CTNNA2: variants seen among roughly 807,000 people sequenced by gnomAD.
The protein encoded by CTNNA2 is catenin alpha 2.
A neutral mutation model predicts 101.0 loss-of-function variants in CTNNA2; 42 were observed. The observed-to-expected ratio is 0.42, with a 90% CI of 0.32 to 0.54. CTNNA2 has a LOEUF of 0.54. Ranked by LOEUF, CTNNA2 falls within the 20% of genes least tolerant of loss-of-function variation. CTNNA2 has a pLI of 0.14. For missense variants in CTNNA2, 871 were observed against 1,223.1 expected (o/e 0.71, Z 4.29); for synonymous variants, 450 against 456.4 (o/e 0.99, Z 0.18).
chr2:79,849,810 T>C (rs1574126163), intron 3 of CTNNA2, among the ~76,000 whole-genome samples: 1 of 152,092 alleles, frequency 6.6e-6, no homozygotes, highest in East Asian at 1.9e-4. Context: ...TATTGTAGAG[T>C]GTATAGCATC....
chr2:80,643,437 C>T (rs1256909955), intron 18 of CTNNA2, among the ~76,000 whole-genome samples: 1 of 152,126 alleles, frequency 6.6e-6, no homozygotes, highest in Non-Finnish European at 1.5e-5. Context: ...CAGAAAACAG[C>T]ACATGGTCTA....
At chr2:79,523,527 G>C (rs1672234373) in intron 1 of CTNNA2, among the ~76,000 whole-genome samples, 1 of 151,780 alleles carries the variant, frequency 6.6e-6, no homozygotes, top group Non-Finnish European at 1.5e-5. Context: ...GTTTGTTTGT[G>C]CTATTATGCT....
Position 79,647,766 on chromosome 2 carries a change from A to G in CTNNA2, c.-5-3786A>G, listed in dbSNP as rs73938755. ...TGGCAAAATCTCAGTGGCATGCAACATACAACAGCAGGCATTTACTTCTTG... is the reference window on the plus strand; with the variant it reads ...TGGCAAAATCTCAGTGGCATGCAACGTACAACAGCAGGCATTTACTTCTTG... On this transcript the variant is annotated intron_variant, in intron 1 of 18. Coordinates refer to ENST00000402739, the MANE Select transcript of CTNNA2 (RefSeq NM_001282597.3). Among the ~76,000 whole-genome samples the G allele has an allele frequency of 8.5e-3, 1,289 of 152,322 alleles. 25 individuals carry two copies. Among genetic ancestry groups the G allele is most frequent in the African/African-American group, 0.028 (1,171 of 41,552 alleles).
At chr2:80,464,227 C>A (rs972017927) in intron 9 of CTNNA2, among the ~76,000 whole-genome samples, 2 of 152,162 alleles carry the variant, frequency 1.3e-5, no homozygotes, top group Non-Finnish European at 2.9e-5. Context: ...GAAGAAAGAA[C>A]TGTCTTCAAT....
chr2:79,705,327 A>C (rs1337734556), intron 2 of CTNNA2, among the ~76,000 whole-genome samples: 1 of 152,220 alleles, frequency 6.6e-6, no homozygotes, highest in Non-Finnish European at 1.5e-5. Context: ...AAAGAGAGAC[A>C]CCACATTTAC....
At chr2:79,928,310 T>C (rs1393028937) in intron 7 of CTNNA2, among the ~76,000 whole-genome samples, 3 of 152,196 alleles carry the variant, frequency 2.0e-5, no homozygotes, top group Non-Finnish European at 4.4e-5. Context: ...ATTTCTATTA[T>C]TCAACTGTGT....
intron 7 of CTNNA2, among the ~76,000 whole-genome samples, chr2:80,218,632 G>C (rs1012910338): frequency 1.5e-4 from 23 of 152,168 alleles, no homozygotes; most frequent in African/African-American, 5.3e-4. Flanking sequence ...ACTGTAAAAT[G>C]AGAGTAGTCA....
At chr2:80,438,768 C>T (rs1398401487) in intron 9 of CTNNA2, among the ~76,000 whole-genome samples, 1 of 152,154 alleles carries the variant, frequency 6.6e-6, no homozygotes, top group Admixed American at 6.5e-5. Flanking sequence ...GTAGTGGATG[C>T]AGAGTTGTGC....
At chr2:79,682,328 G>A (rs975916373) in intron 2 of CTNNA2, among the ~76,000 whole-genome samples, 23 of 150,036 alleles carry the variant, frequency 1.5e-4, no homozygotes, top group Non-Finnish European at 2.7e-4. Flanking sequence ...GGAGAATGGC[G>A]GGAACCAGGG....
chr2:80,319,001 C>T (rs1678411915), intron 7 of CTNNA2, among the ~76,000 whole-genome samples: 3 of 152,094 alleles, frequency 2.0e-5, no homozygotes, highest in South Asian at 2.1e-4. Context: ...ATGCTAGTGG[C>T]TTATCTCTGT....
At chr2:80,469,082 G>T (rs1368577060) in intron 9 of CTNNA2, among the ~76,000 whole-genome samples, 1 of 152,022 alleles carries the variant, frequency 6.6e-6, no homozygotes, top group East Asian at 1.9e-4. Flanking sequence ...GTGTGGTGGT[G>T]GTGTGACGGC....
At chr2:79,226,028 T>C (rs954073207) in intron 2 of CTNNA2, among the ~76,000 whole-genome samples, 6 of 152,160 alleles carry the variant, frequency 3.9e-5, no homozygotes, top group African/African-American at 1.2e-4. Flanking sequence ...ATGTGAGAAA[T>C]CAACTGAGTG....
At chr2:79,409,539 C>T (rs1054300117) in intron 4 of CTNNA2, among the ~76,000 whole-genome samples, 2 of 151,310 alleles carry the variant, frequency 1.3e-5, no homozygotes, top group Non-Finnish European at 3.0e-5. Context: ...TTTCCCAGCA[C>T]CATTTATTAA....
intron 4 of CTNNA2, among the ~76,000 whole-genome samples, chr2:79,385,127 T>C: frequency 6.6e-6 from 1 of 152,198 alleles, no homozygotes; most frequent in East Asian, 1.9e-4. Flanking sequence ...TCCATCTTCT[T>C]GAGTCAGAGT....
At chr2:79,279,818 TA>T (rs1299830392) in intron 2 of CTNNA2, among the ~76,000 whole-genome samples, 1 of 152,044 alleles carries the variant, frequency 6.6e-6, no homozygotes, top group Non-Finnish European at 1.5e-5. Context: ...ACCTTTCCAT[TA>T]GTCTAGGATA....
At chr2:79,471,936 C>T (rs1671003656) in intron 4 of CTNNA2, among the ~76,000 whole-genome samples, 1 of 152,142 alleles carries the variant, frequency 6.6e-6, no homozygotes, top group Non-Finnish European at 1.5e-5. Flanking sequence ...GTTCTTCTTA[C>T]ATGCAAAATA....
At chr2:80,071,663 C>G (rs1320226011) in intron 7 of CTNNA2, among the ~76,000 whole-genome samples, 1 of 152,156 alleles carries the variant, frequency 6.6e-6, no homozygotes, top group Non-Finnish European at 1.5e-5. Flanking sequence ...GAGCTGATTC[C>G]CAGCTTGCAC....
intron 7 of CTNNA2, among the ~76,000 whole-genome samples, chr2:80,134,487 G>A (rs545306647): frequency 2.8e-4 from 42 of 152,218 alleles, no homozygotes; most frequent in African/African-American, 8.7e-4. Context: ...CAGAAAACCC[G>A]TTAATAAACT....
chr2:79,858,087 C>T lies in CTNNA2; in HGVS notation c.373C>T (p.Arg125Trp), dbSNP rs780680680. 19 of 1,614,010 alleles carry T rather than the reference C, an allele frequency of 1.2e-5. No individual in the cohort carries two copies. Among genetic ancestry groups the T allele is most frequent in the South Asian group, 4.4e-5 (4 of 91,078 alleles). The stretch of plus-strand genomic sequence containing the variant: ...GTCGGTAAAGCGCGGCACCATGGTA[C>T]GGGCGGCAAGGGCTTTGCTCTCCGC... ...CSSVKRGTMV[R>W]AARALLSAVT... Residue 125 changes from arginine to tryptophan, a missense_variant, in exon 4 of 19, where the codon CGG becomes TGG. Transcript: ENST00000402739.
Sources: allele counts gnomAD v4.1 joint callset (sites outside exome capture counted in the v4.1 genomes callset), GRCh38; gene constraint gnomAD v4.1.1; transcripts MANE v1.5; gene names NCBI Gene and HGNC (gene_info 2026-07-23, HGNC 2026-07-21).